The following MCF2L variants were observed in gnomAD, a reference collection of about 807,000 sequenced individuals.
MCF2L encodes MCF.2 cell line derived transforming sequence like.
In MCF2L, 97 loss-of-function variants were observed where a neutral mutation model predicts 153.4. That is an observed-to-expected ratio of 0.63 (90% CI 0.54 to 0.75). The LOEUF (loss-of-function observed/expected upper bound fraction) is 0.75. Ranked by LOEUF, MCF2L falls within the 30% of genes least tolerant of loss-of-function variation. MCF2L has a pLI of 0.00. For synonymous variants in MCF2L, 659 were observed against 632.2 expected (o/e 1.04, Z -0.64); for missense variants, 1,347 against 1,495.2 (o/e 0.90, Z 1.64).
At chr13:112,914,315 C>G (rs902913398) in intron 2 of MCF2L, among the ~76,000 whole-genome samples, 2 of 152,312 alleles carry the variant, frequency 1.3e-5, no homozygotes, top group African/African-American at 4.8e-5. Context: ...CACGCTTCTC[C>G]CCTCGCTCTG....
chr13:112,990,515 G>A (rs3011534), intron 1 of MCF2L, among the ~76,000 whole-genome samples: 135,510 of 152,268 alleles, frequency 0.89, 61,121 homozygotes, highest in Non-Finnish European at 0.98. Context: ...AGAGACCCTC[G>A]CACAGTTTCC....
At position 112,988,296 on chromosome 13, in the gene MCF2L, T is replaced by C. The variant is rs1204717067; in HGVS notation, c.79+18838T>C. Among the ~76,000 whole-genome samples, 4 of 151,948 alleles carry C rather than the reference T, an allele frequency of 2.6e-5. No homozygotes were observed. In the East Asian group the frequency reaches 7.7e-4, roughly 29 times the overall value. On this transcript the variant is annotated intron_variant, in intron 1 of 29. Coordinates refer to ENST00000535094, the MANE Select transcript of MCF2L (RefSeq NM_001112732.3). ...AAAAGGTTGTTAAGCACCTTTGGGG[T>C]ACAGCCCTGCCATGATAAGAATGTA... is the stretch of plus-strand genomic sequence containing the variant.
chr13:113,010,123 C>A (rs1358140445), intron 1 of MCF2L: 14 of 150,196 alleles, frequency 9.3e-5, no homozygotes, highest in African/African-American at 3.0e-4. Context: ...ATACCCCCCC[C>A]ACCCGCACCA....
At position 112,907,266 on chromosome 13, in the gene MCF2L, G is replaced by T. The variant is rs775392826; in HGVS notation, c.169+4895G>T. ...ATTCAGATATGAGTCTCACAGAGGG[G>T]TTTGCAGAAACAATTAGCTGGAGCT... On this transcript the variant is annotated intron_variant, in intron 2 of 29. Coordinates refer to the MCF2L transcript ENST00000375608. This position sits in a 1 kb window ranked among gnomAD's most constrained non-coding sequence, Gnocchi z 5.1. Among the ~76,000 whole-genome samples, 15 of 152,180 alleles carry T rather than the reference G, an allele frequency of 9.9e-5. No individual in the cohort carries two copies. The highest frequency in any genetic ancestry group is 2.2e-4 in the Non-Finnish European group (15 of 68,038).
intron 2 of MCF2L, among the ~76,000 whole-genome samples, chr13:112,955,811 T>C (rs2081750303): frequency 6.6e-6 from 1 of 152,156 alleles, no homozygotes; most frequent in Admixed American, 6.5e-5. Context: ...ATCTTGAATG[T>C]GGGTGCCTTT....
At chr13:112,918,566 T>C (rs2081320337) in intron 2 of MCF2L, among the ~76,000 whole-genome samples, 1 of 152,092 alleles carries the variant, frequency 6.6e-6, no homozygotes, top group African/African-American at 2.4e-5. Flanking sequence ...CCTGGGGGGA[T>C]GCAGCCTGGG....
intron 2 of MCF2L, among the ~76,000 whole-genome samples, chr13:113,017,439 G>A (rs149499999): frequency 0.01 from 1,540 of 152,224 alleles, 21 homozygotes; most frequent in African/African-American, 0.021. Flanking sequence ...CGGGACACCC[G>A]TCACGAGATT....
In MCF2L at chr13:113,001,857, C is replaced by T. The variant is rs76233387; in HGVS notation, c.80-12906C>T. On this transcript the variant is annotated intron_variant, in intron 1 of 29. Transcript: ENST00000535094. ...GGTGCTGCGCCATCCTTTGTGTGCC[C>T]GGGAAGGGCGTTCCGGGAGCCGGGT... 2.2e-3 allele frequency: 3,463 copies of T among 1,543,108 alleles called. 74 individuals are homozygous for T. The African/African-American group carries it at 0.042, about 19-fold the overall frequency.
rs751215553 is a variant in MCF2L at position 113,088,446 on chromosome 13, T to C, written c.2767+41T>C. The C allele has an allele frequency of 2.6e-5, 42 of 1,611,060 alleles. No homozygotes were observed. The Admixed American group carries it at 5.2e-4, about 20-fold the overall frequency. ...AGCGATCGTTTCCCGTAGCTTCCGC[T>C]CCAGGTGCATTTTTACCTATGTTCA... On this transcript the variant is annotated intron_variant, in intron 24 of 29. Coordinates refer to ENST00000535094, the MANE Select transcript of MCF2L (RefSeq NM_001112732.3).
At chr13:112,968,177 A>C (rs2081930110), upstream of MCF2L, among the ~76,000 whole-genome samples, 1 of 147,056 alleles carries the variant, frequency 6.8e-6, no homozygotes. Context: ...CCCAGGCTCA[A>C]ACTTCTGGGC....
Position 113,096,669 on chromosome 13 carries a change from C to T in MCF2L, c.3292+16C>T, listed in dbSNP as rs2035691312. Reference sequence around the variant, plus strand: ...AGCAGCTCAGGTAAGGCCCACGTGCCCCGAGCCCACCCGTGACGCTGCCAA... The same window carrying T: ...AGCAGCTCAGGTAAGGCCCACGTGCTCCGAGCCCACCCGTGACGCTGCCAA... On this transcript the variant is annotated intron_variant, in intron 29 of 29. Coordinates refer to ENST00000535094, the MANE Select transcript of MCF2L (RefSeq NM_001112732.3). The T allele has an allele frequency of 1.9e-6, 3 of 1,570,718 alleles. No individual in the cohort carries two copies. Among genetic ancestry groups the T allele is most frequent in the African/African-American group, 2.7e-5 (2 of 74,066 alleles).
At position 113,028,993 on chromosome 13, in the gene MCF2L, G is replaced by T. The variant is rs376493576; in HGVS notation, c.278+4235G>T. Among the ~76,000 whole-genome samples the T allele has an allele frequency of 3.3e-5, 5 of 151,894 alleles. No homozygotes were observed. In the East Asian group the frequency reaches 5.8e-4, roughly 18 times the overall value. ...GGGTGAGTGTGGGGTGTGGTGTGTG[G>T]GGGGTGTGTGTGAGCGTGAGTGTAT... On this transcript the variant is annotated intron_variant, in intron 3 of 29. Transcript: ENST00000535094. This position sits in a 1 kb window ranked among gnomAD's most constrained non-coding sequence, Gnocchi z 5.4.
intron 1 of MCF2L, among the ~76,000 whole-genome samples, chr13:112,987,059 A>T (rs2082675490): frequency 6.6e-6 from 1 of 151,380 alleles, no homozygotes. Flanking sequence ...GGGCTGCCGC[A>T]TTTCCATCTC....
chr13:113,019,385 C>T (rs183554207), intron 2 of MCF2L, among the ~76,000 whole-genome samples: 5 of 152,340 alleles, frequency 3.3e-5, no homozygotes, highest in Non-Finnish European at 7.3e-5. Flanking sequence ...AGGACCGATC[C>T]GATCCTGCGC....
At chr13:113,096,507 G>T (rs899829051) in intron 28 of MCF2L, 24 bp downstream of exon 28, 17 of 1,582,116 alleles carry the variant, frequency 1.1e-5, no homozygotes, top group Middle Eastern at 1.7e-4. Context: ...CTCAGCCCCG[G>T]ACTGCCCCGC....
At chr13:113,081,783 G>A (rs1467639852) in intron 16 of MCF2L, among the ~76,000 whole-genome samples, 2 of 152,156 alleles carry the variant, frequency 1.3e-5, no homozygotes, top group South Asian at 2.1e-4. Flanking sequence ...GTGCACAGGT[G>A]GTGGTCACTT....
At chr13:113,090,477 C>T (rs2035101465) in intron 26 of MCF2L, 1 of 955,128 alleles carries the variant, frequency 1.0e-6, no homozygotes. Flanking sequence ...CAGGTGAGTT[C>T]CCTGCAGGGT....
rs1330541259 is a variant in MCF2L at position 113,046,749 on chromosome 13, C to A, written c.369+1388C>A. On this transcript the variant is annotated intron_variant, in intron 4 of 29. Transcript: ENST00000535094. The surrounding 1 kb of genome is among the most constrained non-coding windows in gnomAD (Gnocchi z 4.4). The stretch of plus-strand genomic sequence containing the variant: ...TCTCTGCCCCTCGCCGCGGCGGATC[C>A]CCGTTCCTGACCCTGACTCAACCTG... 1.7e-5 allele frequency: 8 copies of A among 469,756 alleles called. No homozygotes were observed. The highest frequency in any genetic ancestry group is 1.4e-4 in the African/African-American group (7 of 49,746). 29.1% of individuals were successfully genotyped at this position (469,756 alleles called of 1,614,324 possible).
chr13:112,995,926 C>T (rs1022276301), intron 1 of MCF2L, among the ~76,000 whole-genome samples: 12 of 152,190 alleles, frequency 7.9e-5, no homozygotes, highest in Non-Finnish European at 1.3e-4. Context: ...GGAGTGATGC[C>T]GGGTGCAGCC....
Sources: allele counts gnomAD v4.1 joint callset (sites outside exome capture counted in the v4.1 genomes callset), GRCh38; gene constraint gnomAD v4.1.1; non-coding constraint Gnocchi (gnomAD v3.1); transcripts MANE v1.5; gene names NCBI Gene and HGNC (gene_info 2026-07-23, HGNC 2026-07-21).